Variants in TUSC3 observed in about 807,000 individuals in gnomAD.
TUSC3 encodes tumor suppressor candidate 3.
In TUSC3, 45 loss-of-function variants were observed where a neutral mutation model predicts 44.8. That is an observed-to-expected ratio of 1.00 (90% CI 0.79 to 1.29). The LOEUF is 1.29. TUSC3 is among the 50% of genes most tolerant of loss of function. TUSC3 has a pLI of 0.00. For missense variants in TUSC3, 519 were observed against 437.9 expected, an observed-to-expected ratio of 1.19 and a Z score of -1.65; for synonymous variants, 212 against 152.9, an observed-to-expected ratio of 1.39 and a Z score of -2.85.
At chr8:15,601,264 A>G (rs565852040) in intron 1 of TUSC3, among the ~76,000 whole-genome samples, 31 of 151,770 alleles carry the variant, frequency 2.0e-4, no homozygotes, top group South Asian at 8.3e-4. Flanking sequence ...TTGTCAGTCT[A>G]TAAAATGCAT....
At position 15,613,064 on chromosome 8, in the gene TUSC3, G is replaced by GATATAT. The variant is rs34594440; in HGVS notation, c.139-10005_139-10000dup. ...TCAATATAAGCCATATTATATATAT[G>GATATAT]ATATATATATATATATCATATATAT... On this transcript the variant is annotated intron_variant, in intron 1 of 10. Coordinates refer to ENST00000503731, the MANE Select transcript of TUSC3 (RefSeq NM_006765.4). 4.2e-3 allele frequency among the ~76,000 whole-genome samples: 600 copies of GATATAT among 144,540 alleles called. 8 individuals carry two copies. Among genetic ancestry groups the GATATAT allele is most frequent in the African/African-American group, 0.014 (555 of 39,392 alleles). The allele number at this position is 144,540 out of a possible 152,430, so 94.8% of individuals were successfully genotyped here.
At chr8:15,520,508 T>C (rs1801283239) in intron 2 of TUSC3, among the ~76,000 whole-genome samples, 1 of 152,218 alleles carries the variant, frequency 6.6e-6, no homozygotes, top group Non-Finnish European at 1.5e-5. Context: ...CATTTATCTA[T>C]ATTTCTATGA....
At chr8:15,792,476 T>C in the TUSC3 span, among the ~76,000 whole-genome samples, 8 of 152,142 alleles carry the variant, frequency 5.3e-5, no homozygotes, top group Non-Finnish European at 1.0e-4. Context: ...TAGCCTAGAG[T>C]AAAAACACAC....
intron 1 of TUSC3, among the ~76,000 whole-genome samples, chr8:15,426,198 A>T (rs1341231734): frequency 6.6e-6 from 1 of 152,236 alleles, no homozygotes; most frequent in Non-Finnish European, 1.5e-5. Flanking sequence ...AGTCATGTCC[A>T]CAACCTCTCA....
the TUSC3 span, among the ~76,000 whole-genome samples, chr8:15,800,440 G>A: frequency 4.6e-5 from 7 of 152,184 alleles, no homozygotes; most frequent in East Asian, 9.7e-4. Context: ...GGGCATGGTG[G>A]CTCATGCCTA....
chr8:15,515,824 C>T (rs1241314542), intron 2 of TUSC3, among the ~76,000 whole-genome samples: 1 of 151,976 alleles, frequency 6.6e-6, no homozygotes, highest in Non-Finnish European at 1.5e-5. Flanking sequence ...CTCGCCACCA[C>T]ACCCGGCTAT....
At chr8:15,715,666 G>T (rs374018235) in intron 6 of TUSC3, among the ~76,000 whole-genome samples, 1 of 151,732 alleles carries the variant, frequency 6.6e-6, no homozygotes, top group East Asian at 1.9e-4. Flanking sequence ...CAAAGATAAG[G>T]GGGGACTACT....
the TUSC3 span, among the ~76,000 whole-genome samples, chr8:15,808,185 G>A: frequency 3.4e-4 from 51 of 152,112 alleles, no homozygotes; most frequent in African/African-American, 1.2e-3. Flanking sequence ...ACAATTACCT[G>A]CAATCTTTAA....
At chr8:15,463,140 C>T (rs1254744040) in intron 1 of TUSC3, among the ~76,000 whole-genome samples, 1 of 151,908 alleles carries the variant, frequency 6.6e-6, no homozygotes, top group East Asian at 1.9e-4. Flanking sequence ...TAGAAGACTC[C>T]TGTTTTGATC....
chr8:15,544,263 A>G lies in TUSC3; in HGVS notation c.138+3695A>G, dbSNP rs114502511. ...AGTTTCTCTCTTTCTAACTTCATTA[A>G]CACTTATCAGTTAATCAGCTTCATT... On this transcript the variant is annotated intron_variant, in intron 1 of 10. Coordinates refer to ENST00000503731, the MANE Select transcript of TUSC3 (RefSeq NM_006765.4). Among the ~76,000 whole-genome samples the G allele has an allele frequency of 3.3e-3, 504 of 152,170 alleles. 6 individuals carry two copies. The highest frequency in any genetic ancestry group is 0.011 in the African/African-American group (447 of 41,554).
At chr8:15,633,859 A>G (rs985902176) in intron 2 of TUSC3, among the ~76,000 whole-genome samples, 2 of 152,166 alleles carry the variant, frequency 1.3e-5, no homozygotes, top group African/African-American at 2.4e-5. Context: ...AGTTTGTGAT[A>G]CTTTGTTATG....
At chr8:15,782,134 CAAAAA>C in the TUSC3 span, among the ~76,000 whole-genome samples, 1 of 152,038 alleles carries the variant, frequency 6.6e-6, no homozygotes, top group East Asian at 1.9e-4. Context: ...GGCTCCATCT[CAAAAA>C]AAGAAAAACT....
At chr8:15,628,944 G>C (rs3788997) in intron 2 of TUSC3, among the ~76,000 whole-genome samples, 1 of 152,128 alleles carries the variant, frequency 6.6e-6, no homozygotes, top group African/African-American at 2.4e-5. Flanking sequence ...ATGAGGGTCA[G>C]AGGAAGCTAG....
At chr8:15,806,952 G>T in the TUSC3 span, 13 of 1,463,388 alleles carry the variant, frequency 8.9e-6, no homozygotes, top group Admixed American at 1.3e-4. Flanking sequence ...CATAACTCTC[G>T]TGTTCATCAA....
At chr8:15,489,942 A>G (rs561545718) in intron 2 of TUSC3, among the ~76,000 whole-genome samples, 20 of 152,288 alleles carry the variant, frequency 1.3e-4, no homozygotes, top group African/African-American at 3.8e-4. Context: ...AGAAAATCCT[A>G]TATTGTAAAG....
At chr8:15,804,302 T>C in the TUSC3 span, among the ~76,000 whole-genome samples, 2 of 152,236 alleles carry the variant, frequency 1.3e-5, no homozygotes, top group Non-Finnish European at 2.9e-5. Flanking sequence ...ACTCTGTTTA[T>C]AGTTTGTTTT....
chr8:15,554,576 T>G (rs1450380027), intron 1 of TUSC3, among the ~76,000 whole-genome samples: 1 of 150,892 alleles, frequency 6.6e-6, no homozygotes, highest in Non-Finnish European at 1.5e-5. Flanking sequence ...TTTCAAGGAC[T>G]GTTGACTTTT....
chr8:15,817,503 T>C, the TUSC3 span, among the ~76,000 whole-genome samples: 1 of 152,140 alleles, frequency 6.6e-6, no homozygotes, highest in Admixed American at 6.5e-5. Context: ...TGGAGGGACC[T>C]CGTGGGAGGT....
chr8:15,691,715 T>G (rs983235060), intron 6 of TUSC3, among the ~76,000 whole-genome samples: 2 of 152,200 alleles, frequency 1.3e-5, no homozygotes, highest in African/African-American at 2.4e-5. Context: ...GTTTTTAACA[T>G]GAAGGAATAT....
Sources: gnomAD v4.1 joint callset for allele counts (sites outside exome capture counted in the v4.1 genomes callset) on GRCh38, gnomAD v4.1.1 for gene constraint, MANE v1.5 for transcripts, NCBI Gene and HGNC (gene_info 2026-07-23, HGNC 2026-07-21) for gene names.